The following NRF1 variants were observed in gnomAD, a reference collection of about 807,000 sequenced individuals.
The protein encoded by NRF1 is alpha palindromic-binding protein.
Under a neutral mutation model 58.5 loss-of-function variants are expected in NRF1, and 5 were observed. The ratio of observed to expected loss-of-function variants is 0.09; its 90% CI spans 0.04 to 0.18. NRF1 has a LOEUF of 0.18. NRF1 is among the 10% of genes least tolerant of loss of function. The pLI is 1.00. For missense variants in NRF1, 288 were observed against 657.7 expected, an observed-to-expected ratio of 0.44 and a Z score of 6.15; for synonymous variants, 224 against 246.7, an observed-to-expected ratio of 0.91 and a Z score of 0.86.
rs1031050996 is a variant in NRF1, at chr7:129,756,551, C to CA, written c.*1372dup. On this transcript the variant is annotated 3_prime_UTR_variant, in exon 11 of 11. Coordinates refer to ENST00000393232, the MANE Select transcript of NRF1 (RefSeq NM_005011.5). ...CCGTTAACTCTGTCTTTCTCAGCTGCAAGCCCTGAGTCTCCAGTAGCTGAA... is the reference window on the plus strand; with the variant it reads ...CCGTTAACTCTGTCTTTCTCAGCTGCAAAGCCCTGAGTCTCCAGTAGCTGAA... The CA allele has an allele frequency of 1.3e-5, 2 of 152,700 alleles. No homozygotes were observed. Among genetic ancestry groups the CA allele is most frequent in the African/African-American group, 4.8e-5 (2 of 41,460 alleles). The allele number at this position is 152,700 out of a possible 1,614,324, so 9.5% of individuals were successfully genotyped here.
intron 8 of NRF1, among the ~76,000 whole-genome samples, chr7:129,715,053 C>T (rs1803156227): frequency 6.6e-6 from 1 of 152,156 alleles, no homozygotes; most frequent in African/African-American, 2.4e-5. Context: ...TGCTGCTTTT[C>T]AGTTTTGAGG....
intron 8 of NRF1, among the ~76,000 whole-genome samples, chr7:129,713,589 G>C (rs1344239330): frequency 6.6e-6 from 1 of 152,226 alleles, no homozygotes; most frequent in African/African-American, 2.4e-5. Context: ...AACACTTTTT[G>C]AGCCCTGTGC....
intron 1 of NRF1, among the ~76,000 whole-genome samples, chr7:129,614,017 G>A (rs1473671242): frequency 1.3e-5 from 2 of 152,150 alleles, no homozygotes; most frequent in Admixed American, 1.3e-4. Context: ...ACATATAGGA[G>A]GGAAAATGAC....
chr7:129,660,876 G>A (rs1040244840), intron 2 of NRF1, among the ~76,000 whole-genome samples: 4 of 150,954 alleles, frequency 2.6e-5, no homozygotes, highest in Non-Finnish European at 4.4e-5. Flanking sequence ...TGAGGTCTCC[G>A]ACCCAACCCC....
At chr7:129,692,181 C>T (rs930800622) in intron 5 of NRF1, among the ~76,000 whole-genome samples, 2 of 152,150 alleles carry the variant, frequency 1.3e-5, no homozygotes, top group African/African-American at 4.8e-5. Context: ...CATCAGCACC[C>T]AAGTCCAAGC....
chr7:129,655,558 G>A lies in NRF1; in HGVS notation c.-6-1788G>A, dbSNP rs143712470. 8.7e-3 allele frequency among the ~76,000 whole-genome samples: 1,314 copies of A among 151,002 alleles called. 10 individuals carry two copies. Among genetic ancestry groups the A allele is most frequent in the Non-Finnish European group, 0.012 (838 of 67,918 alleles). On this transcript the variant is annotated intron_variant, in intron 1 of 10. Transcript: ENST00000393232. ...TGAGACAGAGTCCCGCCGTTGCTGT[G>A]TCACCCAGGCTGGAGCGTAGTGGCA...
chr7:129,705,677 T>G (rs1395868584), intron 5 of NRF1, among the ~76,000 whole-genome samples: 1 of 151,768 alleles, frequency 6.6e-6, no homozygotes, highest in Non-Finnish European at 1.5e-5. Context: ...GCACTTTGGG[T>G]GGTTGAGGCA....
intron 4 of NRF1, among the ~76,000 whole-genome samples, chr7:129,679,619 A>T (rs1327055746): frequency 6.6e-6 from 1 of 151,836 alleles, no homozygotes; most frequent in Non-Finnish European, 1.5e-5. Flanking sequence ...GCTACTCGGG[A>T]GGCTGAGGCA....
intron 10 of NRF1, among the ~76,000 whole-genome samples, chr7:129,750,193 C>G (rs1308998460): frequency 6.6e-6 from 1 of 152,158 alleles, no homozygotes; most frequent in Non-Finnish European, 1.5e-5. Context: ...CTTCCTGTTG[C>G]TTAATCAATC....
At chr7:129,647,144 TCTC>T (rs1176240896) in intron 1 of NRF1, among the ~76,000 whole-genome samples, 3 of 151,774 alleles carry the variant, frequency 2.0e-5, no homozygotes, top group African/African-American at 7.3e-5. Context: ...TTCAAGCAAT[TCTC>T]CTGCCTCAGT....
At chr7:129,646,243 G>T (rs1280369548) in intron 1 of NRF1, among the ~76,000 whole-genome samples, 1 of 152,184 alleles carries the variant, frequency 6.6e-6, no homozygotes, top group African/African-American at 2.4e-5. Flanking sequence ...TTGTAGTCTT[G>T]TAAAAATGGG....
chr7:129,619,393 C>A (rs1472602248), intron 1 of NRF1, among the ~76,000 whole-genome samples: 3 of 42,184 alleles, frequency 7.1e-5, no homozygotes, highest in South Asian at 1.1e-3. Context: ...ACTTGGCATA[C>A]GTGTATATAT....
chr7:129,627,247 G>T (rs889360901), intron 1 of NRF1, among the ~76,000 whole-genome samples: 1 of 152,140 alleles, frequency 6.6e-6, no homozygotes, highest in Admixed American at 6.6e-5. Context: ...ATCTCCCTCT[G>T]TTGCTCAGGC....
At chr7:129,701,524 G>A (rs1333594757) in intron 5 of NRF1, among the ~76,000 whole-genome samples, 1 of 151,592 alleles carries the variant, frequency 6.6e-6, no homozygotes, top group African/African-American at 2.4e-5. Flanking sequence ...GAACCCGGGA[G>A]GTGGAGGTTG....
In NRF1 at chr7:129,654,824, G is replaced by C. The variant is rs561815696; in HGVS notation, c.-6-2522G>C. On this transcript the variant is annotated intron_variant, in intron 1 of 10. Coordinates refer to ENST00000393232, the MANE Select transcript of NRF1 (RefSeq NM_005011.5). ...TTCTGTTACATTGGTCTATTTCTCTGGTGTTTCACCAATACCATACTATCT... is the reference window on the plus strand; with the variant it reads ...TTCTGTTACATTGGTCTATTTCTCTCGTGTTTCACCAATACCATACTATCT... Among the ~76,000 whole-genome samples, 22 of 152,258 alleles carry C rather than the reference G, an allele frequency of 1.4e-4. 1 individual carries two copies. In the South Asian group the frequency reaches 3.7e-3, roughly 26 times the overall value.
At chr7:129,752,670 A>G (rs944962840) in intron 10 of NRF1, among the ~76,000 whole-genome samples, 3 of 152,196 alleles carry the variant, frequency 2.0e-5, no homozygotes, top group African/African-American at 7.2e-5. Context: ...TGGGCAACAT[A>G]GTGAGACCTC....
intron 1 of NRF1, among the ~76,000 whole-genome samples, chr7:129,647,194 T>C (rs919132743): frequency 6.6e-6 from 1 of 151,700 alleles, no homozygotes; most frequent in African/African-American, 2.4e-5. Flanking sequence ...TGTGCCACCA[T>C]GTCCGGCTAA....
chr7:129,664,602 T>G (rs751945170), intron 2 of NRF1, among the ~76,000 whole-genome samples: 3 of 152,228 alleles, frequency 2.0e-5, no homozygotes, highest in Non-Finnish European at 2.9e-5. Flanking sequence ...GAGGGCATCT[T>G]GACATAATGA....
chr7:129,688,911 A>G (rs1326221139), intron 4 of NRF1, among the ~76,000 whole-genome samples: 1 of 135,302 alleles, frequency 7.4e-6, no homozygotes, highest in Non-Finnish European at 1.6e-5. Context: ...AAACCATATC[A>G]CTAGGCTTAT....
Sources: gnomAD v4.1 joint callset for allele counts (sites outside exome capture counted in the v4.1 genomes callset) on GRCh38, gnomAD v4.1.1 for gene constraint, MANE v1.5 for transcripts, NCBI Gene and HGNC (gene_info 2026-07-23, HGNC 2026-07-21) for gene names.